DENND6A: variants seen among roughly 807,000 people sequenced by gnomAD.
The protein encoded by DENND6A is protein DENND6A.
Under a neutral mutation model 95.5 loss-of-function variants are expected in DENND6A, and 43 were observed. The observed-to-expected ratio is 0.45, with a 90% CI of 0.35 to 0.58. The LOEUF is 0.58. Among genes scored for constraint, DENND6A ranks in the 20% least tolerant of loss-of-function variants. The pLI is 0.00. For missense variants in DENND6A, 574 were observed against 736.0 expected, an observed-to-expected ratio of 0.78 and a Z score of 2.55; for synonymous variants, 257 against 260.4, an observed-to-expected ratio of 0.99 and a Z score of 0.13.
At chr3:57,649,639 AAAAT>A (rs2071155359) in intron 9 of DENND6A, among the ~76,000 whole-genome samples, 1 of 146,680 alleles carries the variant, frequency 6.8e-6, no homozygotes. Flanking sequence ...TGAAAAAAAA[AAAAT>A]ATATATATAT....
intron 3 of DENND6A, among the ~76,000 whole-genome samples, chr3:57,667,081 T>G (rs1256037715): frequency 6.6e-6 from 1 of 152,202 alleles, no homozygotes; most frequent in Non-Finnish European, 1.5e-5. Flanking sequence ...CAGGCTGGAG[T>G]GCAGTGGCGG....
chr3:57,663,840 G>A, intron 4 of DENND6A, 124 bp from the exon 5 acceptor site: 1 of 472,512 alleles, frequency 2.1e-6, no homozygotes, highest in South Asian at 5.4e-5. Context: ...ATCAAGACAT[G>A]AGATATACAC....
intron 9 of DENND6A, among the ~76,000 whole-genome samples, chr3:57,647,192 C>G (rs994346392): frequency 1.3e-5 from 2 of 152,084 alleles, no homozygotes; most frequent in African/African-American, 4.8e-5. Flanking sequence ...AAAGAAAAAT[C>G]AAACAACAAT....
chr3:57,645,178 G>A (rs183887467), intron 11 of DENND6A, among the ~76,000 whole-genome samples: 10 of 152,128 alleles, frequency 6.6e-5, no homozygotes, highest in Non-Finnish European at 1.3e-4. Context: ...ATAAAATCAC[G>A]TGGGCCGGGT....
chr3:57,689,861 T>C (rs575338841), intron 1 of DENND6A, among the ~76,000 whole-genome samples: 52 of 151,938 alleles, frequency 3.4e-4, no homozygotes, highest in Non-Finnish European at 7.1e-4. Flanking sequence ...GCTACAAGTT[T>C]GAGACCAGCC....
chr3:57,628,566 A>G (rs1046430038), intron 19 of DENND6A, among the ~76,000 whole-genome samples: 4 of 152,218 alleles, frequency 2.6e-5, no homozygotes, highest in Non-Finnish European at 5.9e-5. Flanking sequence ...ACCTAGAAAT[A>G]TAAGTGACAA....
chr3:57,630,366 A>G, intron 18 of DENND6A, 55 bp downstream of exon 18: 2 of 1,454,186 alleles, frequency 1.4e-6, no homozygotes, highest in South Asian at 2.6e-5. Flanking sequence ...TCTAAGCATA[A>G]TTATCTTTAT....
intron 1 of DENND6A, among the ~76,000 whole-genome samples, chr3:57,683,306 T>C (rs1313812798): frequency 6.6e-6 from 1 of 152,220 alleles, no homozygotes; most frequent in Non-Finnish European, 1.5e-5. Flanking sequence ...TTACAATTGC[T>C]AACTTTATCA....
At chr3:57,636,845 G>T (rs1287651544) in intron 12 of DENND6A, among the ~76,000 whole-genome samples, 3 of 150,426 alleles carry the variant, frequency 2.0e-5, no homozygotes, top group Non-Finnish European at 4.4e-5. Context: ...GCTGACACAG[G>T]AGAATCACTT....
chr3:57,687,050 G>C (rs1014739449), intron 1 of DENND6A, among the ~76,000 whole-genome samples: 4 of 152,010 alleles, frequency 2.6e-5, no homozygotes, highest in Non-Finnish European at 5.9e-5. Context: ...TATGCAACAG[G>C]GTCTCACCAC....
At chr3:57,652,626 T>A (rs2153414757) in intron 9 of DENND6A, among the ~76,000 whole-genome samples, 1 of 152,270 alleles carries the variant, frequency 6.6e-6, no homozygotes, top group African/African-American at 2.4e-5. Context: ...CCCCCAAAAA[T>A]ACCTAATTAC....
intron 4 of DENND6A, among the ~76,000 whole-genome samples, chr3:57,664,751 T>C (rs1288738856): frequency 6.6e-6 from 1 of 152,152 alleles, no homozygotes; most frequent in Non-Finnish European, 1.5e-5. Context: ...GAGAATCGCT[T>C]GAACCCAGGA....
rs767215149 is a variant in DENND6A, at chr3:57,666,135, T to C, written c.420A>G (p.Pro140=). The C allele has an allele frequency of 6.2e-7, 1 of 1,613,276 alleles. No homozygotes were observed. The highest frequency in any genetic ancestry group is 8.5e-7 in the Non-Finnish European group (1 of 1,179,626). The part of the protein sequence containing the change: ...CLLDQFDKDL[P]VYLKKDPAYF... ...CTACTTTTCCAACCTTTAAGTAAAC[T>C]GGTAAATCTTTGTCAAATTGATCCA... The change falls in exon 4 of 20, where the codon CCA becomes CCG. Residue 140 remains proline, a synonymous_variant. Coordinates refer to ENST00000311128, the MANE Select transcript of DENND6A (RefSeq NM_152678.3).
rs2071083275 is a variant in DENND6A, at chr3:57,646,491, T to A, written c.819-53A>T. The A allele has an allele frequency of 2.6e-6, 4 of 1,543,556 alleles. No homozygotes were observed. The African/African-American group carries it at 5.6e-5, about 21-fold the overall frequency. ...TTTTTAATGTAGCCAATCCTGTTTT[T>A]AAAATTCCTACATAATCTTTCTAAA... On this transcript the variant is annotated intron_variant, in intron 9 of 19. Coordinates refer to ENST00000311128, the MANE Select transcript of DENND6A (RefSeq NM_152678.3).
chr3:57,665,931 A>G (rs1575850429), intron 4 of DENND6A, 192 bp downstream of exon 4: 1 of 492,356 alleles, frequency 2.0e-6, no homozygotes, highest in African/African-American at 2.0e-5. Flanking sequence ...TGTTTCAAAC[A>G]TAGTAACTGT....
intron 11 of DENND6A, 87 bp downstream of exon 11, chr3:57,645,574 G>A: frequency 1.1e-6 from 1 of 944,444 alleles, no homozygotes; most frequent in Non-Finnish European, 1.6e-6. Flanking sequence ...AGATCATTCT[G>A]CCTATAAGCT....
intron 4 of DENND6A, among the ~76,000 whole-genome samples, chr3:57,664,075 G>A (rs529077516): frequency 6.6e-6 from 1 of 151,962 alleles, no homozygotes; most frequent in South Asian, 2.1e-4. Context: ...TTCTTTATTC[G>A]TATCTATACT....
intron 1 of DENND6A, among the ~76,000 whole-genome samples, chr3:57,682,722 C>T (rs1337684339): frequency 6.6e-6 from 1 of 152,154 alleles, no homozygotes; most frequent in African/African-American, 2.4e-5. Flanking sequence ...GTCACCCAGG[C>T]TGGAGAGCAG....
chr3:57,667,540 A>G (rs1044808555), intron 3 of DENND6A, among the ~76,000 whole-genome samples: 4 of 152,136 alleles, frequency 2.6e-5, no homozygotes, highest in African/African-American at 9.7e-5. Context: ...GTGAAGCTTC[A>G]AGAGCCAGCC....
Sources: gnomAD v4.1 joint callset for allele counts (sites outside exome capture counted in the v4.1 genomes callset) on GRCh38, gnomAD v4.1.1 for gene constraint, MANE v1.5 for transcripts, NCBI Gene and HGNC (gene_info 2026-07-23, HGNC 2026-07-21) for gene names.